NUP50: variants seen among roughly 807,000 people sequenced by gnomAD.
NUP50 encodes nuclear pore complex protein Nup50.
In NUP50, 14 loss-of-function variants were observed where a neutral mutation model predicts 36.8. The ratio of observed to expected loss-of-function variants is 0.38; its 90% CI spans 0.25 to 0.59. The LOEUF is 0.59. Ranked by LOEUF, NUP50 falls within the 20% of genes least tolerant of loss-of-function variation. The pLI is 0.63. For missense variants in NUP50, 455 were observed against 564.6 expected, an observed-to-expected ratio of 0.81 and a Z score of 1.97; for synonymous variants, 195 against 210.8, an observed-to-expected ratio of 0.93 and a Z score of 0.65.
rs908513179 is a variant in NUP50 at position 45,185,739 on chromosome 22, G to A, written c.*1084G>A. On this transcript the variant is annotated 3_prime_UTR_variant, in exon 8 of 8. Transcript: ENST00000347635. ...AAGATTCCATATGTCTGTCTGGAAG[G>A]GAGCCATGGTTATTCACACGAATAT... is the stretch of plus-strand genomic sequence containing the variant. 1.1e-4 allele frequency: 17 copies of A among 152,122 alleles called. No homozygotes were observed. Among genetic ancestry groups the A allele is most frequent in the African/African-American group, 4.1e-4 (17 of 41,418 alleles). The allele number at this position is 152,122 out of a possible 1,614,324, so 9.4% of individuals were successfully genotyped here. A position where few individuals can be genotyped will look rare whatever the true frequency, so the allele number is the denominator to read the frequency against.
rs1036404123 is a variant in NUP50 at position 45,183,559 on chromosome 22, C to T, written c.1204+39C>T. The T allele has an allele frequency of 4.0e-6, 5 of 1,252,616 alleles. No individual in the cohort carries two copies. The African/African-American group carries it at 5.9e-5, about 15-fold the overall frequency. 77.6% of individuals were successfully genotyped at this position (1,252,616 alleles called of 1,614,324 possible). A position where few individuals can be genotyped will look rare whatever the true frequency, so the allele number is the denominator to read the frequency against. ...TTCAGTTAGCACAAAATCATCATCACATAGTATATAAAAGCGTTTACCCTG... is the reference window on the plus strand; with the variant it reads ...TTCAGTTAGCACAAAATCATCATCATATAGTATATAAAAGCGTTTACCCTG... On this transcript the variant is annotated intron_variant, in intron 7 of 7. Transcript: ENST00000347635.
intron 1 of NUP50, among the ~76,000 whole-genome samples, chr22:45,165,476 C>T (rs2147660156): frequency 6.6e-6 from 1 of 152,334 alleles, no homozygotes. Flanking sequence ...CAACTCCTGG[C>T]TTCAAGAGAT....
chr22:45,185,127 A>T lies in NUP50; in HGVS notation c.*472A>T. 1 of 175,502 alleles carries T rather than the reference A, an allele frequency of 5.7e-6. No individual in the cohort carries two copies. The highest frequency in any genetic ancestry group is 1.2e-4 in the South Asian group (1 of 8,212). The allele number at this position is 175,502 out of a possible 1,614,324, so 10.9% of individuals were successfully genotyped here. On this transcript the variant is annotated 3_prime_UTR_variant, in exon 8 of 8. Coordinates refer to ENST00000347635, the MANE Select transcript of NUP50 (RefSeq NM_007172.4). ...TGAGACTTGTTCTGTTACCAAATGAACCGGGCTGCCACGCTGTGACAGGCG... is the reference window on the plus strand; with the variant it reads ...TGAGACTTGTTCTGTTACCAAATGATCCGGGCTGCCACGCTGTGACAGGCG...
intron 5 of NUP50, among the ~76,000 whole-genome samples, chr22:45,180,961 T>C (rs1234998883): frequency 6.6e-6 from 1 of 151,676 alleles, no homozygotes; most frequent in African/African-American, 2.4e-5. Flanking sequence ...TTCCAGTGGG[T>C]AATTTGCATA....
rs569403993 is a variant in NUP50 at position 45,167,945 on chromosome 22, ATCT to A, written c.-10-216_-10-214del. On this transcript the variant is annotated intron_variant, in intron 1 of 7. Coordinates refer to ENST00000347635, the MANE Select transcript of NUP50 (RefSeq NM_007172.4). ...TCAGGACTGCTGGTGTTCCCTAGGA[ATCT>A]TCTTCTGCCTCCTGGAAAAAGCCTT... is the stretch of plus-strand genomic sequence containing the variant. Among the ~76,000 whole-genome samples the A allele has an allele frequency of 5.4e-3, 826 of 152,190 alleles. 3 individuals carry two copies. The highest frequency in any genetic ancestry group is 0.013 in the South Asian group (62 of 4,812).
intron 3 of NUP50, among the ~76,000 whole-genome samples, chr22:45,174,761 T>A (rs1232060227): frequency 1.3e-5 from 2 of 152,222 alleles, no homozygotes; most frequent in African/African-American, 2.4e-5. Flanking sequence ...AGCAACAGAA[T>A]CTAAGCTCTG....
intron 6 of NUP50, among the ~76,000 whole-genome samples, chr22:45,183,155 A>C (rs1009722872): frequency 6.7e-6 from 1 of 150,224 alleles, no homozygotes; most frequent in Non-Finnish European, 1.5e-5. Context: ...AGAAAGTGTT[A>C]TAAAAAGTTT....
rs2083447939 is a variant in NUP50 at position 45,186,434 on chromosome 22, T to C, written c.*1779T>C. 6.6e-6 allele frequency: 1 copy of C among 152,206 alleles called. No individual in the cohort carries two copies. Among genetic ancestry groups the C allele is most frequent in the South Asian group, 2.1e-4 (1 of 4,836 alleles). 9.4% of individuals were successfully genotyped at this position (152,206 alleles called of 1,614,324 possible). ...TTCAGCTTTTAAAAAGATGAAGAACTAAGGGGAACAAATTTAAGTTTGTTG... is the reference window on the plus strand; with the variant it reads ...TTCAGCTTTTAAAAAGATGAAGAACCAAGGGGAACAAATTTAAGTTTGTTG... On this transcript the variant is annotated 3_prime_UTR_variant, in exon 8 of 8. Transcript: ENST00000347635.
chr22:45,174,233 G>A (rs132888), intron 3 of NUP50, among the ~76,000 whole-genome samples: 28,838 of 150,330 alleles, frequency 0.19, 3,385 homozygotes, highest in East Asian at 0.57. Context: ...GGTGGAGTGC[G>A]GTGGCACAAT....
rs2074124718 is a variant in NUP50 at position 45,168,165 on chromosome 22, T to C, written c.-10-3T>C. ...ATAAACTCTTCTGTTTTCTATAACT[T>C]AGGTTCGAAAACATGGCCAAAAGAA... On this transcript the variant is annotated splice_region_variant and splice_polypyrimidine_tract_variant and intron_variant, in intron 1 of 7. Coordinates refer to ENST00000347635, the MANE Select transcript of NUP50 (RefSeq NM_007172.4). 6.3e-7 allele frequency: 1 copy of C among 1,599,248 alleles called. No homozygotes were observed. Among genetic ancestry groups the C allele is most frequent in the African/African-American group, 1.4e-5 (1 of 74,060 alleles).
chr22:45,168,057 A>T, intron 1 of NUP50, 111 bp from the exon 2 acceptor site: 1 of 796,460 alleles, frequency 1.3e-6, no homozygotes, highest in Non-Finnish European at 2.0e-6. Context: ...TTTCCCTGAT[A>T]AAAAAACCAG....
At chr22:45,177,780 A>C (rs2074299711) in intron 4 of NUP50, 1 of 157,186 alleles carries the variant, frequency 6.4e-6, no homozygotes, top group African/African-American at 2.4e-5. Context: ...CTTTACTGAT[A>C]ACTGGTTACT....
Position 45,181,765 on chromosome 22 carries a change from A to G in NUP50, c.1085+398A>G, listed in dbSNP as rs2074377440. Among the ~76,000 whole-genome samples, 3 of 152,134 alleles carry G rather than the reference A, an allele frequency of 2.0e-5. No individual in the cohort carries two copies. In the South Asian group the frequency reaches 6.2e-4, roughly 32 times the overall value. On this transcript the variant is annotated intron_variant, in intron 6 of 7. Transcript: ENST00000347635. The stretch of plus-strand genomic sequence containing the variant: ...GGTTTGGCCTCAGAAGGCATCTCTC[A>G]TCCCTTCCTGGAGACTTGGTTGGCC...
chr22:45,171,855 AAG>A, intron 3 of NUP50, 172 bp downstream of exon 3: 1 of 558,966 alleles, frequency 1.8e-6, no homozygotes, highest in Middle Eastern at 2.8e-4. Context: ...CTGGACCTTA[AAG>A]AGAGCTTATC....
chr22:45,185,828 A>G lies in NUP50; in HGVS notation c.*1173A>G, dbSNP rs899573721. 4 of 150,112 alleles carry G rather than the reference A, an allele frequency of 2.7e-5. No homozygotes were observed. Among genetic ancestry groups the G allele is most frequent in the East Asian group, 4.0e-4 (2 of 5,032 alleles). 9.3% of individuals were successfully genotyped at this position (150,112 alleles called of 1,614,324 possible). A position where few individuals can be genotyped will look rare whatever the true frequency, so the allele number is the denominator to read the frequency against. On this transcript the variant is annotated 3_prime_UTR_variant, in exon 8 of 8. Transcript: ENST00000347635. ...AGCATTCTTTGAAGACTCTGGGCAC[A>G]TGAATGATACACAGAATTGAATGTT...
At position 45,183,880 on chromosome 22, in the gene NUP50, A is replaced by G. The variant is rs541213580; in HGVS notation, c.1204+360A>G. ...TGTCCATCCTCAGTTTTAACCTGAA[A>G]AGAGTCCACTGCAAGGATCCTAGTG... On this transcript the variant is annotated intron_variant, in intron 7 of 7. Transcript: ENST00000347635. 18 of 236,848 alleles carry G rather than the reference A, an allele frequency of 7.6e-5. No homozygotes were observed. In the East Asian group the frequency reaches 1.1e-3, roughly 14 times the overall value. 14.7% of individuals were successfully genotyped at this position (236,848 alleles called of 1,614,324 possible).
chr22:45,180,908 T>C (rs1468081805), intron 5 of NUP50, among the ~76,000 whole-genome samples: 1 of 152,134 alleles, frequency 6.6e-6, no homozygotes, highest in Non-Finnish European at 1.5e-5. Context: ...GTCACAGGAA[T>C]ATTCAGGGGT....
At chr22:45,183,320 A>C (rs1384532914) in intron 6 of NUP50, 82 bp from the exon 7 acceptor site, 57 of 785,628 alleles carry the variant, frequency 7.3e-5, no homozygotes, top group Non-Finnish European at 1.2e-4. Context: ...TTTCCACACA[A>C]GTGTGAAGAG....
Position 45,187,660 on chromosome 22 carries a change from G to A in NUP50, c.*3005G>A, listed in dbSNP as rs1461808908. On this transcript the variant is annotated 3_prime_UTR_variant, in exon 8 of 8. Transcript: ENST00000347635. ...CCTGATGAGTCCTCTCATTCTGGAA[G>A]TGGGAATTTGAGTAGATACTGATTT... 6.6e-6 allele frequency: 1 copy of A among 152,236 alleles called. No homozygotes were observed. Among genetic ancestry groups the A allele is most frequent in the African/African-American group, 2.4e-5 (1 of 41,454 alleles). 9.4% of individuals were successfully genotyped at this position (152,236 alleles called of 1,614,324 possible).
Sources: allele counts gnomAD v4.1 joint callset (sites outside exome capture counted in the v4.1 genomes callset), GRCh38; gene constraint gnomAD v4.1.1; transcripts MANE v1.5; gene names NCBI Gene and HGNC (gene_info 2026-07-23, HGNC 2026-07-21).